HPCAL1: variants seen among roughly 807,000 people sequenced by gnomAD.
HPCAL1 encodes the protein hippocalcin-like protein 1.
HPCAL1 carries 8 observed loss-of-function variants against 17.1 expected under a neutral mutation model. The observed-to-expected ratio is 0.47, with a 90% confidence interval of 0.27 to 0.84. The LOEUF (loss-of-function observed/expected upper bound fraction) is 0.84, where lower values mean the gene tolerates loss of function less well. Ranked by LOEUF, HPCAL1 falls within the 40% of genes least tolerant of loss-of-function variation. HPCAL1 has a pLI of 0.13. For synonymous variants in HPCAL1, 112 were observed against 111.4 expected, an observed-to-expected ratio of 1.01 and a Z score of -0.03; for missense variants, 165 against 271.1, an observed-to-expected ratio of 0.61 and a Z score of 2.75.
At chr2:10,412,304 A>G (rs1294262065) in intron 2 of HPCAL1, among the ~76,000 whole-genome samples, 1 of 152,256 alleles carries the variant, frequency 6.6e-6, no homozygotes, top group East Asian at 1.9e-4. Context: ...GAATGAAACC[A>G]GTTACACACC....
intron 4 of HPCAL1, chr2:10,425,896 C>G (rs945247029): frequency 6.6e-6 from 1 of 152,324 alleles, no homozygotes; most frequent in South Asian, 2.1e-4. Context: ...CCGCCTCCTG[C>G]CCTTGAGGCC....
chr2:10,361,173 A>C (rs1443419437), intron 1 of HPCAL1, among the ~76,000 whole-genome samples: 1 of 149,090 alleles, frequency 6.7e-6, no homozygotes, highest in Admixed American at 6.7e-5. Context: ...TTTCCAGGCG[A>C]GTCCGTGGGC....
intron 1 of HPCAL1, among the ~76,000 whole-genome samples, chr2:10,326,710 GCTC>G (rs1469795789): frequency 3.3e-5 from 5 of 152,196 alleles, no homozygotes; most frequent in African/African-American, 1.2e-4. Context: ...TGGTCCTCAA[GCTC>G]CTCCTCAGCA....
intron 4 of HPCAL1, chr2:10,423,384 AG>A: frequency 3.2e-6 from 1 of 310,216 alleles, no homozygotes. Context: ...TACAATGTTT[AG>A]GGGCAGGGAG....
At chr2:10,318,619 T>C (rs1413418398) in intron 1 of HPCAL1, among the ~76,000 whole-genome samples, 1 of 152,140 alleles carries the variant, frequency 6.6e-6, no homozygotes, top group Non-Finnish European at 1.5e-5. Flanking sequence ...CCGGGTGGGC[T>C]CGGTTTTCTA....
chr2:10,423,258 A>G (rs555077831), intron 4 of HPCAL1, 170 bp downstream of exon 4: 24 of 632,658 alleles, frequency 3.8e-5, no homozygotes, highest in Non-Finnish European at 6.7e-5. Flanking sequence ...GCAGTCAGGG[A>G]CACCCGTGCT....
intron 1 of HPCAL1, among the ~76,000 whole-genome samples, chr2:10,321,902 C>G (rs751692118): frequency 6.6e-6 from 1 of 152,184 alleles, no homozygotes; most frequent in Non-Finnish European, 1.5e-5. Flanking sequence ...TCACTTTTGG[C>G]TATTCTGAAC....
intron 1 of HPCAL1, among the ~76,000 whole-genome samples, chr2:10,322,717 T>C (rs1663741637): frequency 6.6e-6 from 1 of 152,256 alleles, no homozygotes; most frequent in Non-Finnish European, 1.5e-5. Flanking sequence ...GAAATCCATG[T>C]GCTAAAGACA....
At chr2:10,305,487 C>T (rs1223022599) in intron 1 of HPCAL1, among the ~76,000 whole-genome samples, 2 of 152,192 alleles carry the variant, frequency 1.3e-5, no homozygotes, top group South Asian at 2.1e-4. Context: ...TGTGGTGCCA[C>T]GGTGGCACAT....
chr2:10,398,171 C>CG (rs977728451), intron 2 of HPCAL1, among the ~76,000 whole-genome samples: 1 of 152,178 alleles, frequency 6.6e-6, no homozygotes, highest in Non-Finnish European at 1.5e-5. Flanking sequence ...CATAGGCTCC[C>CG]GGGGGGACAC....
At chr2:10,375,910 C>G (rs1199547468) in intron 1 of HPCAL1, among the ~76,000 whole-genome samples, 2 of 152,192 alleles carry the variant, frequency 1.3e-5, no homozygotes, top group Admixed American at 1.3e-4. Context: ...GGTTTGGATG[C>G]GTGTCCCCTC....
chr2:10,373,001 C>T (rs531251752), intron 1 of HPCAL1, among the ~76,000 whole-genome samples: 2 of 152,382 alleles, frequency 1.3e-5, no homozygotes, highest in East Asian at 3.9e-4. Context: ...GGGAGCCTCA[C>T]ACACAGGCGC....
At chr2:10,386,848 C>G (rs944903192) in intron 1 of HPCAL1, among the ~76,000 whole-genome samples, 1 of 152,224 alleles carries the variant, frequency 6.6e-6, no homozygotes, top group Admixed American at 6.5e-5. Context: ...CCGCCTTGCA[C>G]GGCATTGCTT....
chr2:10,371,906 C>A lies in HPCAL1; in HGVS notation c.-110-24929C>A, dbSNP rs369954334. 8.9e-4 allele frequency among the ~76,000 whole-genome samples: 135 copies of A among 152,326 alleles called. 1 individual carries two copies. Among genetic ancestry groups the A allele is most frequent in the African/African-American group, 3.1e-3 (128 of 41,570 alleles). On this transcript the variant is annotated intron_variant, in intron 1 of 4. Transcript: ENST00000307845. ...CTTCAGGTCAGGGCTTGGCTCTGTG[C>A]TGCAGCCTTAAGCCAGCGGGCCCAA...
At chr2:10,389,076 C>G (rs890190438) in intron 1 of HPCAL1, among the ~76,000 whole-genome samples, 8 of 152,148 alleles carry the variant, frequency 5.3e-5, no homozygotes, top group African/African-American at 1.7e-4. Context: ...TACAACAGGG[C>G]CAGGGTAGAA....
chr2:10,346,065 A>G (rs1286080865), intron 1 of HPCAL1, among the ~76,000 whole-genome samples: 2 of 151,952 alleles, frequency 1.3e-5, no homozygotes, highest in Admixed American at 1.3e-4. Flanking sequence ...TGTGTGAGAG[A>G]GCCAGGCTGT....
chr2:10,402,400 T>G (rs1277948214), intron 2 of HPCAL1, among the ~76,000 whole-genome samples: 2 of 152,220 alleles, frequency 1.3e-5, no homozygotes, highest in Non-Finnish European at 2.9e-5. Context: ...CAACTCTCCC[T>G]GCAGAATCTG....
chr2:10,332,975 CA>C lies in HPCAL1; in HGVS notation c.-111+29799del, dbSNP rs768636171. 5.4e-3 allele frequency among the ~76,000 whole-genome samples: 284 copies of C among 52,800 alleles called. 2 individuals are homozygous for C. The highest frequency in any genetic ancestry group is 0.042 in the Admixed American group (155 of 3,674). The allele number at this position is 52,800 out of a possible 152,430, so 34.6% of individuals were successfully genotyped here. On this transcript the variant is annotated intron_variant, in intron 1 of 4. Transcript: ENST00000307845. ...AAGTTTGATCTTGGGGTGAGGGGTG[CA>C]GGGGGGAGGGGCAGGGTGGGTCTTT...
At chr2:10,317,129 C>A (rs1663364907) in intron 1 of HPCAL1, among the ~76,000 whole-genome samples, 1 of 152,220 alleles carries the variant, frequency 6.6e-6, no homozygotes, top group Non-Finnish European at 1.5e-5. Flanking sequence ...AAGAAATCAG[C>A]TCACTTTATG....
Sources: allele counts gnomAD v4.1 joint callset (sites outside exome capture counted in the v4.1 genomes callset), GRCh38; gene constraint gnomAD v4.1.1; transcripts MANE v1.5; gene names NCBI Gene and HGNC (gene_info 2026-07-23, HGNC 2026-07-21).